The following COL24A1 variants were observed in gnomAD, a reference collection of about 807,000 sequenced individuals.
COL24A1 encodes collagen type XXIV alpha 1 chain, also known as collagen alpha-1(XXIV) chain.
A neutral mutation model predicts 253.9 loss-of-function variants in COL24A1; 224 were observed. The observed-to-expected ratio is 0.88, with a 90% confidence interval of 0.79 to 0.99. COL24A1 has a LOEUF of 0.99. Among genes scored for constraint, COL24A1 ranks in the 50% least tolerant of loss-of-function variants. The pLI, the probability that COL24A1 is intolerant of heterozygous loss-of-function variation, is 0.00. For synonymous variants in COL24A1, 685 were observed against 673.7 expected (o/e 1.02, Z -0.26); for missense variants, 2,131 against 2,068.5 (o/e 1.03, Z -0.59).
Position 86,089,247 on chromosome 1 carries a change from G to C in COL24A1, c.1654-20C>G. The C allele has an allele frequency of 1.3e-6, 2 of 1,552,468 alleles. No homozygotes were observed. Among genetic ancestry groups the C allele is most frequent in the Non-Finnish European group, 8.6e-7 (1 of 1,156,146 alleles). ...ATCACCCTATAAACAAAATACAGAC[G>C]TTTAATGTCATGAAAGAGAACTGAA... On this transcript the variant is annotated intron_variant, in intron 6 of 59. Transcript: ENST00000370571.
intron 29 of COL24A1, 93 bp from the exon 30 acceptor site, chr1:85,896,158 A>G: frequency 2.2e-6 from 3 of 1,349,808 alleles, no homozygotes; most frequent in Non-Finnish European, 3.1e-6. Flanking sequence ...CATACAAAAA[A>G]GACAGTAAGT....
intron 3 of COL24A1, among the ~76,000 whole-genome samples, chr1:86,116,315 A>G: frequency 6.6e-6 from 1 of 152,228 alleles, no homozygotes; most frequent in East Asian, 1.9e-4. Flanking sequence ...GGGTTAAAAT[A>G]CTAGCCTCAC....
chr1:85,758,881 T>C (rs896492764), intron 55 of COL24A1, among the ~76,000 whole-genome samples: 2 of 152,172 alleles, frequency 1.3e-5, no homozygotes, highest in Admixed American at 6.5e-5. Context: ...AATATACAAT[T>C]CAGTTGTCTT....
intron 24 of COL24A1, among the ~76,000 whole-genome samples, chr1:85,942,328 G>A (rs1688828311): frequency 6.6e-6 from 1 of 151,270 alleles, no homozygotes; most frequent in Admixed American, 6.6e-5. Flanking sequence ...AAATGACAGA[G>A]GGTCACATTT....
chr1:85,880,929 T>C (rs986139648), intron 32 of COL24A1, among the ~76,000 whole-genome samples: 2 of 152,242 alleles, frequency 1.3e-5, no homozygotes, highest in Non-Finnish European at 2.9e-5. Flanking sequence ...AATTTGCTAA[T>C]ATTTTGTTGA....
intron 7 of COL24A1, among the ~76,000 whole-genome samples, chr1:86,075,723 G>T (rs1702200659): frequency 2.0e-5 from 3 of 152,172 alleles, no homozygotes; most frequent in Admixed American, 6.5e-5. Flanking sequence ...TCCCTAGGAT[G>T]CAAGACTGGT....
At chr1:86,130,779 C>G (rs1279170003) in intron 2 of COL24A1, among the ~76,000 whole-genome samples, 2 of 151,994 alleles carry the variant, frequency 1.3e-5, no homozygotes, top group Non-Finnish European at 2.9e-5. Flanking sequence ...TTCTTCCTCT[C>G]TTCTCCTACC....
intron 32 of COL24A1, among the ~76,000 whole-genome samples, chr1:85,884,812 C>A (rs1354821103): frequency 6.6e-6 from 1 of 152,046 alleles, no homozygotes; most frequent in Non-Finnish European, 1.5e-5. Context: ...GCTTACTATC[C>A]CTCTCCCTCT....
intron 49 of COL24A1, 30 bp from the exon 50 acceptor site, chr1:85,784,196 A>G: frequency 6.2e-7 from 1 of 1,612,150 alleles, no homozygotes; most frequent in Non-Finnish European, 8.5e-7. Flanking sequence ...GATAATAATT[A>G]TTGTACAATG....
intron 12 of COL24A1, among the ~76,000 whole-genome samples, chr1:86,039,261 A>G (rs1699274079): frequency 6.6e-6 from 1 of 152,204 alleles, no homozygotes. Context: ...GAAGTTTGTT[A>G]GACTTGATAG....
chr1:86,030,032 A>G (rs1333105086), intron 14 of COL24A1: 1 of 152,148 alleles, frequency 6.6e-6, no homozygotes, highest in Non-Finnish European at 1.5e-5. Context: ...ACCTTTAGCC[A>G]TCATCTGCCC....
intron 7 of COL24A1, among the ~76,000 whole-genome samples, chr1:86,081,601 G>A (rs1259245457): frequency 2.0e-5 from 3 of 152,078 alleles, no homozygotes; most frequent in African/African-American, 4.8e-5. Flanking sequence ...AGGAAGCAAC[G>A]CAACTTTACT....
intron 2 of COL24A1, among the ~76,000 whole-genome samples, chr1:86,132,994 T>C (rs1278858333): frequency 7.6e-6 from 1 of 131,022 alleles, no homozygotes; most frequent in Non-Finnish European, 1.6e-5. Flanking sequence ...TCTTCCTACC[T>C]ATGAGCACGG....
At chr1:85,952,816 G>A (rs1690062387) in intron 24 of COL24A1, among the ~76,000 whole-genome samples, 1 of 152,090 alleles carries the variant, frequency 6.6e-6, no homozygotes, top group South Asian at 2.1e-4. Context: ...TTATAAAAAA[G>A]TTTCCTGACC....
intron 7 of COL24A1, among the ~76,000 whole-genome samples, chr1:86,071,890 C>A (rs1212437003): frequency 6.6e-6 from 1 of 152,050 alleles, no homozygotes; most frequent in African/African-American, 2.4e-5. Flanking sequence ...TGTTGCCTCA[C>A]CCAGGAAGAG....
rs575644181 is a variant in COL24A1 at position 86,081,827 on chromosome 1, A to G, written c.1707+7347T>C. Among the ~76,000 whole-genome samples, 7 of 152,278 alleles carry G rather than the reference A, an allele frequency of 4.6e-5. No individual in the cohort carries two copies. In the South Asian group the frequency reaches 6.2e-4, roughly 14 times the overall value. ...TGACGCTATGTAATTAAATTGTGGT[A>G]ACCAAAATATATGTATATTGGAACC... On this transcript the variant is annotated intron_variant, in intron 7 of 59. Transcript: ENST00000370571.
At chr1:85,958,780 G>A (rs955767005) in intron 24 of COL24A1, among the ~76,000 whole-genome samples, 6 of 152,110 alleles carry the variant, frequency 3.9e-5, no homozygotes, top group African/African-American at 1.4e-4. Flanking sequence ...ATTATGGTTA[G>A]ATAATTCTAG....
chr1:86,136,043 A>C (rs907657551), intron 2 of COL24A1, among the ~76,000 whole-genome samples: 8 of 152,036 alleles, frequency 5.3e-5, no homozygotes, highest in Non-Finnish European at 1.2e-4. Context: ...CTTCTTCTCT[A>C]AACCAAATCT....
chr1:86,013,592 T>C (rs907877248), intron 19 of COL24A1, among the ~76,000 whole-genome samples: 3 of 152,308 alleles, frequency 2.0e-5, no homozygotes, highest in Non-Finnish European at 4.4e-5. Context: ...TCCCAGCATT[T>C]TGGGAGGCCA....
Sources: allele counts gnomAD v4.1 joint callset (sites outside exome capture counted in the v4.1 genomes callset), GRCh38; gene constraint gnomAD v4.1.1; transcripts MANE v1.5; gene names NCBI Gene and HGNC (gene_info 2026-07-23, HGNC 2026-07-21).